APPL2: variants seen among roughly 807,000 people sequenced by gnomAD.
APPL2 encodes DCC-interacting protein 13-beta.
In APPL2, 84 loss-of-function variants were observed where a neutral mutation model predicts 92.7. The observed-to-expected ratio is 0.91, with a 90% CI of 0.76 to 1.09. APPL2 has a LOEUF of 1.09. Among genes scored for constraint, APPL2 ranks in the 50% least tolerant of loss-of-function variants. APPL2 has a pLI of 0.00. For missense variants in APPL2, 736 were observed against 824.5 expected (o/e 0.89, Z 1.31); for synonymous variants, 291 against 291.0 (o/e 1.00, Z 0.00).
chr12:105,195,599 T>G lies in APPL2; in HGVS notation c.1081A>C (p.Lys361Gln), dbSNP rs1566066289. 1 of 1,614,120 alleles carries G rather than the reference T, an allele frequency of 6.2e-7. No homozygotes were observed. The highest frequency in any genetic ancestry group is 1.3e-5 in the African/African-American group (1 of 74,944). ...SGIILQAESR[K>Q]ENEEWICAIN... Reference sequence around the variant, plus strand: ...AAAATTTTTACCTCTTCATTTTCCTTTCTGCTCTCAGCCTGGAGGATTATT... The same window carrying G: ...AAAATTTTTACCTCTTCATTTTCCTGTCTGCTCTCAGCCTGGAGGATTATT... The change falls in exon 12 of 21, where the codon AAG becomes CAG. Residue 361 changes from lysine to glutamine, a missense_variant. By Grantham distance (53) the Lys-to-Gln change is moderately conservative. Coordinates refer to ENST00000258530, the MANE Select transcript of APPL2 (RefSeq NM_018171.5).
At chr12:105,197,695 C>T in intron 11 of APPL2, 70 bp downstream of exon 11, 11 of 1,577,286 alleles carry the variant, frequency 7.0e-6, no homozygotes, top group Non-Finnish European at 9.5e-6. Context: ...TAGGAATGAA[C>T]TAGGAGGCCC....
intron 16 of APPL2, 102 bp from the exon 17 acceptor site, chr12:105,188,549 G>T (rs1886934804): frequency 4.0e-6 from 5 of 1,262,522 alleles, no homozygotes; most frequent in Non-Finnish European, 5.4e-6. Flanking sequence ...TTCTGTGGAG[G>T]ACTTTCTACC....
chr12:105,235,951 G>C lies in APPL2; in HGVS notation c.54+8C>G. 8.0e-7 allele frequency: 1 copy of C among 1,245,044 alleles called. No homozygotes were observed. Among genetic ancestry groups the C allele is most frequent in the Non-Finnish European group, 1.0e-6 (1 of 985,896 alleles). 77.1% of individuals were successfully genotyped at this position (1,245,044 alleles called of 1,614,324 possible). A position where few individuals can be genotyped will look rare whatever the true frequency, so the allele number is the denominator to read the frequency against. On this transcript the variant is annotated splice_region_variant and intron_variant, in intron 1 of 20. Transcript: ENST00000258530. ...GCGGGCGAGGGGCACCGGAGCGGCG[G>C]GAGGTACCTGGGGGCTGTCCTGCAA... is the stretch of plus-strand genomic sequence containing the variant.
intron 1 of APPL2, among the ~76,000 whole-genome samples, chr12:105,234,894 T>C (rs1017117570): frequency 6.6e-6 from 1 of 151,226 alleles, no homozygotes; most frequent in Non-Finnish European, 1.5e-5. Flanking sequence ...TCCTTACTTA[T>C]CTACACTAGG....
At position 105,197,814 on chromosome 12, in the gene APPL2, A is replaced by C. The variant is rs147533081; in HGVS notation, c.1003T>G (p.Cys335Gly). Residue 335 changes from cysteine to glycine, a missense_variant, in exon 11 of 21, where the codon TGC becomes GGC. Coordinates refer to ENST00000258530, the MANE Select transcript of APPL2 (RefSeq NM_018171.5). ...LDNCSVMAVDCEDRRYCFQIT... is the reference protein window; with the variant it reads ...LDNCSVMAVDGEDRRYCFQIT... ...TGGAAGCAGTAGCGCCGGTCTTCGC[A>C]ATCCACGGCCATCACTGAGCAGTTG... 1 of 1,614,222 alleles carries C rather than the reference A, an allele frequency of 6.2e-7. No homozygotes were observed. Among genetic ancestry groups the C allele is most frequent in the East Asian group, 2.2e-5 (1 of 44,878 alleles).
In APPL2 at chr12:105,173,354, T is replaced by C. The variant is rs1246792452; in HGVS notation, c.*960A>G. ...ATTTATTACAAAGATAATAATAGTC[T>C]GTTGAACTTAGTTACAGTTAAACAC... On this transcript the variant is annotated 3_prime_UTR_variant, in exon 21 of 21. Coordinates refer to ENST00000258530, the MANE Select transcript of APPL2 (RefSeq NM_018171.5). 6.6e-6 allele frequency: 1 copy of C among 151,534 alleles called. No homozygotes were observed. The highest frequency in any genetic ancestry group is 2.4e-5 in the African/African-American group (1 of 40,930). 9.4% of individuals were successfully genotyped at this position (151,534 alleles called of 1,614,324 possible).
chr12:105,195,564 T>TA lies in APPL2; in HGVS notation c.1095+20dup, dbSNP rs368785157. ...GTCACCCACCACGTTAGGAAAGAAATATGACAAACAAAATTTTTACCTCTT... is the reference window on the plus strand; with the variant it reads ...GTCACCCACCACGTTAGGAAAGAAATAATGACAAACAAAATTTTTACCTCTT... On this transcript the variant is annotated intron_variant, in intron 12 of 20. Coordinates refer to ENST00000258530, the MANE Select transcript of APPL2 (RefSeq NM_018171.5). 5.6e-6 allele frequency: 9 copies of TA among 1,614,190 alleles called. No individual in the cohort carries two copies. The African/African-American group carries it at 8.0e-5, about 14-fold the overall frequency.
Position 105,191,525 on chromosome 12 carries a change from G to C in APPL2, c.1242-1370C>G, listed in dbSNP as rs187436925. On this transcript the variant is annotated intron_variant, in intron 14 of 20. Coordinates refer to ENST00000258530, the MANE Select transcript of APPL2 (RefSeq NM_018171.5). ...ATTTTGGCTCCCCAGAGAGTCAAAGGGGGGAGATAGATAACAATCAAGATA... is the reference window on the plus strand; with the variant it reads ...ATTTTGGCTCCCCAGAGAGTCAAAGCGGGGAGATAGATAACAATCAAGATA... Among the ~76,000 whole-genome samples, 164 of 152,280 alleles carry C rather than the reference G, an allele frequency of 1.1e-3. 1 individual carries two copies. The highest frequency in any genetic ancestry group is 3.7e-3 in the African/African-American group (155 of 41,542).
intron 2 of APPL2, among the ~76,000 whole-genome samples, chr12:105,219,992 C>T (rs1326462538): frequency 2.0e-5 from 3 of 152,210 alleles, no homozygotes; most frequent in East Asian, 1.9e-4. Context: ...ATTCTGTGCA[C>T]GACCTCATCT....
chr12:105,174,196 C>G lies in APPL2; in HGVS notation c.*118G>C. The G allele has an allele frequency of 7.7e-7, 1 of 1,297,898 alleles. No individual in the cohort carries two copies. The highest frequency in any genetic ancestry group is 1.5e-5 in the South Asian group (1 of 64,720). The allele number at this position is 1,297,898 out of a possible 1,614,324, so 80.4% of individuals were successfully genotyped here. On this transcript the variant is annotated 3_prime_UTR_variant, in exon 21 of 21. Transcript: ENST00000258530. ...AGTATCAAGGCATCAAGATTACATT[C>G]CACAAACGATTGTCAGCCTTCGGAA... is the stretch of plus-strand genomic sequence containing the variant.
In APPL2 at chr12:105,211,233, T is replaced by C. The variant is rs1208588967; in HGVS notation, c.370A>G (p.Thr124Ala). Residue 124 changes from threonine to alanine, a missense_variant, in exon 5 of 21, where the codon ACA becomes GCA. Thr to Ala is a moderately conservative substitution (Grantham distance 58, BLOSUM62 0). Transcript: ENST00000258530. ...PIIQFREKDLTEVSTLKDLFG... is the reference protein window; with the variant it reads ...PIIQFREKDLAEVSTLKDLFG... ...GCATTGAACTCAGTTACTTTACCTG[T>C]GAGATCCTTTTCTCGGAATTGTATG... 1 of 1,594,750 alleles carries C rather than the reference T, an allele frequency of 6.3e-7. No individual in the cohort carries two copies. Among genetic ancestry groups the C allele is most frequent in the Non-Finnish European group, 8.6e-7 (1 of 1,162,652 alleles).
intron 17 of APPL2, among the ~76,000 whole-genome samples, chr12:105,179,465 T>C (rs1246199115): frequency 1.3e-5 from 2 of 152,184 alleles, no homozygotes; most frequent in African/African-American, 2.4e-5. Flanking sequence ...TGTGTTTTTA[T>C]AGAAAATGAT....
At chr12:105,222,302 G>A (rs1890165264) in intron 2 of APPL2, among the ~76,000 whole-genome samples, 1 of 152,196 alleles carries the variant, frequency 6.6e-6, no homozygotes, top group Non-Finnish European at 1.5e-5. Context: ...GTGGTGGTGG[G>A]AAGAAAACAC....
chr12:105,232,794 G>C (rs1891019696), intron 1 of APPL2, among the ~76,000 whole-genome samples: 6 of 144,962 alleles, frequency 4.1e-5, no homozygotes, highest in Admixed American at 4.1e-4. Context: ...AAAGAACCAA[G>C]TCTATTGAAA....
intron 9 of APPL2, among the ~76,000 whole-genome samples, chr12:105,202,188 T>TA (rs1383273408): frequency 6.6e-6 from 1 of 152,146 alleles, no homozygotes; most frequent in Non-Finnish European, 1.5e-5. Flanking sequence ...CATAACTAAA[T>TA]ACAGCTTGTC....
chr12:105,222,453 G>A (rs1174758789), intron 2 of APPL2, among the ~76,000 whole-genome samples: 1 of 152,190 alleles, frequency 6.6e-6, no homozygotes, highest in African/African-American at 2.4e-5. Flanking sequence ...GCAGGGTGTG[G>A]TGAGTGAGGA....
chr12:105,208,391 C>A (rs75287613), intron 5 of APPL2, among the ~76,000 whole-genome samples, 192 bp from the exon 6 acceptor site: 2,068 of 152,268 alleles, frequency 0.014, 23 homozygotes, highest in Non-Finnish European at 0.02. Flanking sequence ...TCAACCATGC[C>A]CCACACCCAG....
intron 4 of APPL2, among the ~76,000 whole-genome samples, chr12:105,216,652 G>A (rs1432679928): frequency 2.6e-5 from 4 of 152,206 alleles, no homozygotes; most frequent in South Asian, 2.1e-4. Context: ...AAAGATGCAC[G>A]AGGATTCTCC....
At chr12:105,216,014 G>A (rs113629879) in intron 4 of APPL2, among the ~76,000 whole-genome samples, 328 of 152,232 alleles carry the variant, frequency 2.2e-3, no homozygotes, top group African/African-American at 7.5e-3. Context: ...GAAACAGAGC[G>A]AGACTCCGTC....
Sources: gnomAD v4.1 joint callset for allele counts (sites outside exome capture counted in the v4.1 genomes callset) on GRCh38, gnomAD v4.1.1 for gene constraint, MANE v1.5 for transcripts, NCBI Gene and HGNC (gene_info 2026-07-23, HGNC 2026-07-21) for gene names.